The following FAM168B variants were observed in gnomAD, a reference collection of about 807,000 sequenced individuals.
FAM168B encodes the protein myelin-associated neurite-outgrowth inhibitor.
Under a neutral mutation model 21.8 loss-of-function variants are expected in FAM168B, and 19 were observed. The ratio of observed to expected loss-of-function variants is 0.87; its 90% CI spans 0.61 to 1.28. FAM168B has a LOEUF of 1.28. Among genes scored for constraint, FAM168B ranks in the 50% most tolerant of loss-of-function variants. The pLI is 0.00. For missense variants in FAM168B, 233 were observed against 263.1 expected, an observed-to-expected ratio of 0.89 and a Z score of 0.79; for synonymous variants, 126 against 104.8, an observed-to-expected ratio of 1.20 and a Z score of -1.24.
chr2:131,092,375 G>C (rs778070133), intron 1 of FAM168B, among the ~76,000 whole-genome samples: 17 of 152,110 alleles, frequency 1.1e-4, no homozygotes, highest in Non-Finnish European at 1.9e-4. Flanking sequence ...TCATCTACAA[G>C]AGCTTAAAAA....
At chr2:131,075,792 A>G (rs759232360) in intron 2 of FAM168B, among the ~76,000 whole-genome samples, 2 of 151,884 alleles carry the variant, frequency 1.3e-5, no homozygotes, top group Non-Finnish European at 2.9e-5. Flanking sequence ...CCGGCCCCCC[A>G]GTTTCTAACA....
intron 1 of FAM168B, among the ~76,000 whole-genome samples, chr2:131,084,365 A>T (rs974969673): frequency 4.9e-4 from 69 of 141,306 alleles, no homozygotes; most frequent in African/African-American, 1.5e-3. Flanking sequence ...TAAGTTTTGT[A>T]TTTTTTTTTT....
At chr2:131,066,161 C>CTTTTT (rs762218220) in intron 3 of FAM168B, among the ~76,000 whole-genome samples, 1 of 138,368 alleles carries the variant, frequency 7.2e-6, no homozygotes, top group Admixed American at 7.3e-5. Context: ...ACATTTGTAT[C>CTTTTT]TTTTTTTTTT....
chr2:131,072,029 C>T (rs770114215), intron 2 of FAM168B, 91 bp from the exon 3 acceptor site: 5 of 1,138,028 alleles, frequency 4.4e-6, no homozygotes, highest in Non-Finnish European at 5.2e-6. Context: ...TACCTTCTTC[C>T]CCAGAACTCC....
At position 131,048,048 on chromosome 2, in the gene FAM168B, T is replaced by C; in HGVS notation, c.*4417A>G. 1 of 501,806 alleles carries C rather than the reference T, an allele frequency of 2.0e-6. No individual in the cohort carries two copies. The highest frequency in any genetic ancestry group is 3.0e-6 in the Non-Finnish European group (1 of 335,374). The allele number at this position is 501,806 out of a possible 1,614,324, so 31.1% of individuals were successfully genotyped here. On this transcript the variant is annotated 3_prime_UTR_variant, in exon 7 of 7. Coordinates refer to ENST00000389915, the MANE Select transcript of FAM168B (RefSeq NM_001009993.4). ...GAACTGGCTCAGGATGGAAATTCCA[T>C]TCCTTGGCATGGATACGTAAGTTCA...
intron 2 of FAM168B, among the ~76,000 whole-genome samples, chr2:131,081,395 T>C (rs564141362): frequency 6.6e-6 from 1 of 152,338 alleles, no homozygotes; most frequent in South Asian, 2.1e-4. Flanking sequence ...ACAGCAGTTC[T>C]GCATTCGCTG....
Position 131,050,130 on chromosome 2 carries a change from T to TG in FAM168B, c.*2334dup, listed in dbSNP as rs369614058. 306 of 985,426 alleles carry TG rather than the reference T, an allele frequency of 3.1e-4. 3 individuals carry two copies. The African/African-American group carries it at 4.7e-3, about 15-fold the overall frequency. The allele number at this position is 985,426 out of a possible 1,614,324, so 61.0% of individuals were successfully genotyped here. A position where few individuals can be genotyped will look rare whatever the true frequency, so the allele number is the denominator to read the frequency against. On this transcript the variant is annotated 3_prime_UTR_variant, in exon 7 of 7. Transcript: ENST00000389915. ...TTATGAAGCTGATGTAAATGGCGTG[T>TG]GGGGGGTGCAGCCCACTCTTTAAAA... is the stretch of plus-strand genomic sequence containing the variant.
At chr2:131,085,397 G>C (rs1471873644) in intron 1 of FAM168B, among the ~76,000 whole-genome samples, 1 of 152,186 alleles carries the variant, frequency 6.6e-6, no homozygotes, top group African/African-American at 2.4e-5. Context: ...ACTTGGTTCT[G>C]TTTAAAGGCA....
chr2:131,055,997 A>G (rs893643288), intron 3 of FAM168B, among the ~76,000 whole-genome samples: 2 of 152,218 alleles, frequency 1.3e-5, no homozygotes, highest in Admixed American at 1.3e-4. Flanking sequence ...TCCTGCTGGA[A>G]TTTAAATTGG....
rs374215527 is a variant in FAM168B, at chr2:131,078,368, A to G, written c.70+4209T>C. 3.9e-5 allele frequency among the ~76,000 whole-genome samples: 6 copies of G among 152,352 alleles called. No individual in the cohort carries two copies. In the East Asian group the frequency reaches 7.7e-4, roughly 20 times the overall value. Reference sequence around the variant, plus strand: ...AGGACAAATGGAAGCAGATCAGTATAAACTATCTGTATTAAAGCTCATGGA... The same window carrying G: ...AGGACAAATGGAAGCAGATCAGTATGAACTATCTGTATTAAAGCTCATGGA... On this transcript the variant is annotated intron_variant, in intron 2 of 6. Transcript: ENST00000389915.
chr2:131,050,115 G>A lies in FAM168B; in HGVS notation c.*2350C>T. On this transcript the variant is annotated 3_prime_UTR_variant, in exon 7 of 7. Coordinates refer to ENST00000389915, the MANE Select transcript of FAM168B (RefSeq NM_001009993.4). ...GAGGAAGAAAAGTGTTTATGAAGCT[G>A]ATGTAAATGGCGTGTGGGGGGTGCA... The A allele has an allele frequency of 2.0e-6, 2 of 985,464 alleles. No homozygotes were observed. The highest frequency in any genetic ancestry group is 2.4e-6 in the Non-Finnish European group (2 of 829,944). The allele number at this position is 985,464 out of a possible 1,614,324, so 61.0% of individuals were successfully genotyped here. A position where few individuals can be genotyped will look rare whatever the true frequency, so the allele number is the denominator to read the frequency against.
intron 3 of FAM168B, among the ~76,000 whole-genome samples, chr2:131,068,031 C>T (rs1247597436): frequency 6.6e-6 from 1 of 152,070 alleles, no homozygotes; most frequent in African/African-American, 2.4e-5. Flanking sequence ...ACCACAAGAC[C>T]CCCATCTCTT....
At chr2:131,076,652 TA>T (rs76726482) in intron 2 of FAM168B, among the ~76,000 whole-genome samples, 1,834 of 96,308 alleles carry the variant, frequency 0.019, 26 homozygotes, top group African/African-American at 0.056. Context: ...GACTCCGTCT[TA>T]AAAAAAAAAA....
chr2:131,055,335 G>A lies in FAM168B; in HGVS notation c.412C>T (p.Pro138Ser), dbSNP rs199942804. The A allele has an allele frequency of 3.8e-6, 6 of 1,585,106 alleles. No homozygotes were observed. The Admixed American group carries it at 6.0e-5, about 16-fold the overall frequency. Residue 138 changes from proline (P) to serine (S), a missense_variant, in exon 5 of 7, where the codon CCT becomes TCT. By Grantham distance (74) the Pro-to-Ser change is moderately conservative. Coordinates refer to ENST00000389915, the MANE Select transcript of FAM168B (RefSeq NM_001009993.4). The part of the protein sequence containing the change: ...PATVYPAPIP[P>S]PRGNGVTMGM... ...ATGGTGACCCCGTTGCCTCTAGGAG[G>A]GGGGATGGGAGCAGGGTACACCGTT...
At chr2:131,079,588 G>A (rs1693332540) in intron 2 of FAM168B, among the ~76,000 whole-genome samples, 1 of 152,204 alleles carries the variant, frequency 6.6e-6, no homozygotes, top group Admixed American at 6.5e-5. Context: ...CCAGAAACTA[G>A]AAGATGCAAG....
At chr2:131,068,189 C>T (rs994783763) in intron 3 of FAM168B, among the ~76,000 whole-genome samples, 7 of 152,096 alleles carry the variant, frequency 4.6e-5, no homozygotes, top group Non-Finnish European at 8.8e-5. Context: ...GACAGAGTCT[C>T]GCTCTGTCAC....
chr2:131,076,585 G>A (rs1455126653), intron 2 of FAM168B, among the ~76,000 whole-genome samples: 2 of 150,182 alleles, frequency 1.3e-5, no homozygotes, highest in Non-Finnish European at 2.9e-5. Flanking sequence ...CCTGGGAGGC[G>A]CAGCTTGCAG....
At chr2:131,056,441 C>G (rs952901220) in intron 3 of FAM168B, among the ~76,000 whole-genome samples, 1 of 152,116 alleles carries the variant, frequency 6.6e-6, no homozygotes, top group Admixed American at 6.5e-5. Flanking sequence ...GAGCAGCTGG[C>G]ACCAAGAGAG....
At chr2:131,078,347 C>G (rs1258205786) in intron 2 of FAM168B, among the ~76,000 whole-genome samples, 1 of 152,004 alleles carries the variant, frequency 6.6e-6, no homozygotes, top group Admixed American at 6.6e-5. Context: ...ATTAGCAGGA[C>G]AAATGGAAGC....
Sources: allele counts gnomAD v4.1 joint callset (sites outside exome capture counted in the v4.1 genomes callset), GRCh38; gene constraint gnomAD v4.1.1; transcripts MANE v1.5; gene names NCBI Gene and HGNC (gene_info 2026-07-23, HGNC 2026-07-21).